KIAA0825: variants seen among roughly 807,000 people sequenced by gnomAD.
The protein encoded by KIAA0825 is uncharacterized protein KIAA0825.
KIAA0825 carries 119 observed loss-of-function variants against 147.6 expected under a neutral mutation model. The observed-to-expected ratio is 0.81, with a 90% CI of 0.69 to 0.94. KIAA0825 has a LOEUF of 0.94. Ranked by LOEUF, KIAA0825 falls within the 40% of genes least tolerant of loss-of-function variation. KIAA0825 has a pLI of 0.00. For synonymous variants in KIAA0825, 470 were observed against 518.1 expected, an observed-to-expected ratio of 0.91 and a Z score of 1.26; for missense variants, 1,381 against 1,472.7, an observed-to-expected ratio of 0.94 and a Z score of 1.02.
At chr5:94,594,031 G>A in intron 1 of KIAA0825, 2 of 520,626 alleles carry the variant, frequency 3.8e-6, no homozygotes, top group South Asian at 1.4e-5. Context: ...AAGGGATGAA[G>A]TTTTTGGAAC....
At chr5:94,229,243 G>C (rs1440387625) in intron 20 of KIAA0825, among the ~76,000 whole-genome samples, 4 of 152,186 alleles carry the variant, frequency 2.6e-5, no homozygotes, top group African/African-American at 9.7e-5. Context: ...TTGTATGTGT[G>C]AAAATGTCTC....
intron 15 of KIAA0825, among the ~76,000 whole-genome samples, chr5:94,409,605 C>A (rs1463772441): frequency 1.3e-5 from 2 of 152,106 alleles, no homozygotes; most frequent in Non-Finnish European, 2.9e-5. Context: ...GAAAGGCTGA[C>A]TCTAAGAAGC....
intron 20 of KIAA0825, among the ~76,000 whole-genome samples, chr5:94,367,675 A>G (rs1158894493): frequency 6.6e-6 from 1 of 152,236 alleles, no homozygotes; most frequent in African/African-American, 2.4e-5. Flanking sequence ...TTGATGCTAC[A>G]GACAATGTGT....
In KIAA0825 at chr5:94,343,102, G is replaced by A. The variant is rs527295140; in HGVS notation, c.3710+41266C>T. The stretch of plus-strand genomic sequence containing the variant: ...TAAGAAAAATTAAAGACCCATGGAG[G>A]AAATACAATGTTCATAGCTTGGAAG... On this transcript the variant is annotated intron_variant, in intron 20 of 20. Transcript: ENST00000682413. 3.9e-5 allele frequency among the ~76,000 whole-genome samples: 6 copies of A among 152,226 alleles called. No homozygotes were observed. The South Asian group carries it at 8.3e-4, about 21-fold the overall frequency.
intron 20 of KIAA0825, among the ~76,000 whole-genome samples, chr5:94,220,455 C>T (rs1773581799): frequency 6.6e-6 from 1 of 152,076 alleles, no homozygotes; most frequent in Non-Finnish European, 1.5e-5. Flanking sequence ...TTAATATTGT[C>T]AAGCATTATT....
chr5:94,383,881 T>A (rs1483159976), intron 20 of KIAA0825, among the ~76,000 whole-genome samples: 1 of 151,802 alleles, frequency 6.6e-6, no homozygotes, highest in Non-Finnish European at 1.5e-5. Context: ...CCAACATAAC[T>A]GGCTGAAAAG....
intron 6 of KIAA0825, among the ~76,000 whole-genome samples, chr5:94,480,060 G>A (rs184115114): frequency 1.3e-5 from 2 of 151,964 alleles, no homozygotes; most frequent in Non-Finnish European, 2.9e-5. Flanking sequence ...TTCTGATCAT[G>A]CCTGTTTATT....
chr5:94,579,922 C>T (rs1197206612), intron 2 of KIAA0825, among the ~76,000 whole-genome samples: 2 of 152,288 alleles, frequency 1.3e-5, no homozygotes, highest in Admixed American at 6.5e-5. Flanking sequence ...CAACTGTACA[C>T]ATATTCAAAC....
Position 94,154,068 on chromosome 5 carries a change from T to G in KIAA0825, c.3767A>C (p.His1256Pro), listed in dbSNP as rs201666365. The G allele has an allele frequency of 2.6e-5, 41 of 1,551,634 alleles. 1 individual carries two copies. Among genetic ancestry groups the G allele is most frequent in the Non-Finnish European group, 3.4e-5 (39 of 1,146,990 alleles). The change falls in exon 21 of 21, where the codon CAC becomes CCC. Residue 1256 changes from histidine to proline, a missense_variant. Transcript: ENST00000682413. Reference sequence around the variant, plus strand: ...CTGTGGGGTGCAAATTTGTTTTAAGTGCTCCAGTATTGCTTTTTCTTCCTC... The same window carrying G: ...CTGTGGGGTGCAAATTTGTTTTAAGGGCTCCAGTATTGCTTTTTCTTCCTC... The part of the protein sequence containing the change: ...LEEEEKAILE[H>P]LKQICTPQNS...
intron 20 of KIAA0825, among the ~76,000 whole-genome samples, chr5:94,356,721 ATTTCT>A (rs1784307919): frequency 8.9e-6 from 1 of 112,544 alleles, no homozygotes. Context: ...GTTTAACTTG[ATTTCT>A]TTTTTTTTTT....
At chr5:94,208,550 C>T (rs1179663259) in intron 20 of KIAA0825, among the ~76,000 whole-genome samples, 4 of 152,096 alleles carry the variant, frequency 2.6e-5, no homozygotes, top group Non-Finnish European at 5.9e-5. Context: ...GGCAAGGTGG[C>T]AATGCTAGAA....
chr5:94,615,763 A>G (rs1790279987), intron 1 of KIAA0825: 1 of 152,120 alleles, frequency 6.6e-6, no homozygotes, highest in Admixed American at 6.6e-5. Context: ...TAAAAAATGT[A>G]CAAATACTTC....
intron 20 of KIAA0825, among the ~76,000 whole-genome samples, chr5:94,158,210 ATTTG>A (rs1236126750): frequency 1.3e-5 from 2 of 151,940 alleles, no homozygotes; most frequent in African/African-American, 4.8e-5. Context: ...AGGCCCCCTT[ATTTG>A]TTTATGTACT....
chr5:94,519,198 T>C, intron 5 of KIAA0825: 1 of 866,810 alleles, frequency 1.2e-6, no homozygotes, highest in African/African-American at 1.8e-5. Flanking sequence ...AATTTGAAAA[T>C]TCATATATCA....
chr5:94,521,025 A>C, intron 4 of KIAA0825, 108 bp from the exon 5 acceptor site: 2 of 946,876 alleles, frequency 2.1e-6, no homozygotes, highest in Non-Finnish European at 3.0e-6. Flanking sequence ...ATACTCTAAA[A>C]TTCCTTAAGA....
intron 20 of KIAA0825, among the ~76,000 whole-genome samples, chr5:94,164,832 A>G (rs1158069582): frequency 6.6e-6 from 1 of 152,100 alleles, no homozygotes; most frequent in Non-Finnish European, 1.5e-5. Flanking sequence ...CTAGACCCCC[A>G]TCTCTCGCCA....
At chr5:94,257,222 C>G (rs111404245) in intron 20 of KIAA0825, among the ~76,000 whole-genome samples, 1 of 152,088 alleles carries the variant, frequency 6.6e-6, no homozygotes. Context: ...AAGTAGTTTG[C>G]TAGACTAGAA....
intron 20 of KIAA0825, among the ~76,000 whole-genome samples, chr5:94,270,422 T>C (rs531741065): frequency 6.6e-6 from 1 of 152,220 alleles, no homozygotes; most frequent in South Asian, 2.1e-4. Flanking sequence ...CCTCTGTCTC[T>C]CACCACATAC....
intron 20 of KIAA0825, among the ~76,000 whole-genome samples, chr5:94,280,181 G>T (rs1422649330): frequency 6.6e-6 from 1 of 152,016 alleles, no homozygotes; most frequent in Non-Finnish European, 1.5e-5. Flanking sequence ...TGAATTCCAG[G>T]TGAGGGATGA....
Sources: allele counts gnomAD v4.1 joint callset (sites outside exome capture counted in the v4.1 genomes callset), GRCh38; gene constraint gnomAD v4.1.1; transcripts MANE v1.5; gene names NCBI Gene and HGNC (gene_info 2026-07-23, HGNC 2026-07-21).